The following HTRA3 variants were observed in gnomAD, a reference collection of about 807,000 sequenced individuals.
HTRA3 encodes HtrA serine peptidase 3.
A neutral mutation model predicts 43.2 loss-of-function variants in HTRA3; 41 were observed. The ratio of observed to expected loss-of-function variants is 0.95; its 90% CI spans 0.74 to 1.23. The LOEUF (loss-of-function observed/expected upper bound fraction) is 1.23. Ranked by LOEUF, HTRA3 falls within the 50% of genes most tolerant of loss-of-function variation. The pLI, the probability that HTRA3 is intolerant of heterozygous loss-of-function variation, is 0.00. For missense variants in HTRA3, 628 were observed against 647.1 expected (o/e 0.97, Z 0.32); for synonymous variants, 295 against 287.9 (o/e 1.02, Z -0.25).
At chr4:8,291,649 C>A (rs1713247177) in intron 4 of HTRA3, 85 bp downstream of exon 4, 3 of 1,049,582 alleles carry the variant, frequency 2.9e-6, no homozygotes, top group South Asian at 3.3e-5. Context: ...TCGGCTTGCC[C>A]CCCTCCCCAG....
chr4:8,286,508 C>A lies in HTRA3; in HGVS notation c.486-53C>A. 1 of 1,482,506 alleles carries A rather than the reference C, an allele frequency of 6.7e-7. No individual in the cohort carries two copies. The highest frequency in any genetic ancestry group is 9.4e-7 in the Non-Finnish European group (1 of 1,066,196). 91.8% of individuals were successfully genotyped at this position (1,482,506 alleles called of 1,614,324 possible). On this transcript the variant is annotated intron_variant, in intron 2 of 8. Transcript: ENST00000307358. The surrounding 1 kb of genome is among the most constrained non-coding windows in gnomAD (Gnocchi z 4.9). ...ACCAGCCCCACCACTGCGCCTGACT[C>A]CCCCGCGTCCTAGCCCCACCCTAAA...
chr4:8,272,656 A>G (rs1712336285), intron 1 of HTRA3, among the ~76,000 whole-genome samples: 2 of 152,200 alleles, frequency 1.3e-5, no homozygotes, highest in Admixed American at 6.5e-5. Flanking sequence ...CAAGGTCAGG[A>G]GAGGCTCTCC....
chr4:8,270,317 C>T lies in HTRA3; in HGVS notation c.349C>T (p.Pro117Ser). Residue 117 changes from proline (P) to serine (S), a missense_variant, in exon 1 of 9, where the codon CCC becomes TCC. Physicochemically the swap from Pro to Ser is moderately conservative, Grantham distance 74. Transcript: ENST00000307358. ...SRRALQLSGT[P>S]VRQLQKGACP... Reference sequence around the variant, plus strand: ...CCGCGCGCTGCAGCTCTCCGGGACGCCCGTGCGCCAGCTGCAGAAGGGCGC... The same window carrying T: ...CCGCGCGCTGCAGCTCTCCGGGACGTCCGTGCGCCAGCTGCAGAAGGGCGC... 6.9e-7 allele frequency: 1 copy of T among 1,455,114 alleles called. No individual in the cohort carries two copies. The highest frequency in any genetic ancestry group is 1.5e-5 in the African/African-American group (1 of 67,358). 90.1% of individuals were successfully genotyped at this position (1,455,114 alleles called of 1,614,324 possible).
At chr4:8,275,216 G>A (rs1336637828) in intron 1 of HTRA3, among the ~76,000 whole-genome samples, 4 of 152,196 alleles carry the variant, frequency 2.6e-5, no homozygotes, top group Non-Finnish European at 5.9e-5. Flanking sequence ...CCGGGGCTTG[G>A]CCTAGCAAAT....
chr4:8,304,075 A>C (rs1250476303), intron 7 of HTRA3, 109 bp from the exon 8 acceptor site: 2 of 776,112 alleles, frequency 2.6e-6, no homozygotes, highest in East Asian at 5.1e-5. Flanking sequence ...ATGGGGGCCC[A>C]GAGGTGGCTC....
intron 1 of HTRA3, among the ~76,000 whole-genome samples, chr4:8,276,323 A>G (rs1712521538): frequency 6.6e-6 from 1 of 152,232 alleles, no homozygotes; most frequent in African/African-American, 2.4e-5. Context: ...TGGGCAAATG[A>G]GATGATGGAC....
chr4:8,283,850 T>C (rs948768511), intron 2 of HTRA3, among the ~76,000 whole-genome samples: 1 of 152,196 alleles, frequency 6.6e-6, no homozygotes, highest in Admixed American at 6.5e-5. Flanking sequence ...ACTGAGCATC[T>C]GGTGGCTCAT....
rs1712646020 is a variant in HTRA3 at position 8,279,205 on chromosome 4, A to G, written c.386-3232A>G. Among the ~76,000 whole-genome samples, 1 of 152,190 alleles carries G rather than the reference A, an allele frequency of 6.6e-6. No homozygotes were observed. The highest frequency in any genetic ancestry group is 1.5e-5 in the Non-Finnish European group (1 of 68,036). On this transcript the variant is annotated intron_variant, in intron 1 of 8. Coordinates refer to ENST00000307358, the MANE Select transcript of HTRA3 (RefSeq NM_053044.5). This position sits in a 1 kb window ranked among gnomAD's most constrained non-coding sequence, Gnocchi z 7.4. ...CCCAGCCCCACGGCCCTTCTGTCTC[A>G]GGCCTTGCTCTCCCTCCCTGTTTTA...
chr4:8,270,268 G>C lies in HTRA3; in HGVS notation c.300G>C (p.Val100=). The C allele has an allele frequency of 1.3e-6, 2 of 1,502,984 alleles. No individual in the cohort carries two copies. The highest frequency in any genetic ancestry group is 1.8e-6 in the Non-Finnish European group (2 of 1,133,584). The allele number at this position is 1,502,984 out of a possible 1,614,324, so 93.1% of individuals were successfully genotyped here. A position where few individuals can be genotyped will look rare whatever the true frequency, so the allele number is the denominator to read the frequency against. Residue 100 remains valine (V), a synonymous_variant, in exon 1 of 9, where the codon GTG becomes GTC. Coordinates refer to ENST00000307358, the MANE Select transcript of HTRA3 (RefSeq NM_053044.5). The part of the protein sequence containing the change: ...CGTDGHTYAN[V]CALQAASRRA... ...CCGACGGGCACACCTATGCCAACGT[G>C]TGCGCGCTGCAGGCGGCCAGCCGCC...
intron 1 of HTRA3, among the ~76,000 whole-genome samples, chr4:8,277,714 G>A (rs373816982): frequency 2.0e-5 from 3 of 152,204 alleles, no homozygotes; most frequent in African/African-American, 7.2e-5. Context: ...ATGTCAATGG[G>A]ACCAGGACAC....
chr4:8,292,415 T>G, intron 5 of HTRA3, 62 bp downstream of exon 5: 1 of 1,427,936 alleles, frequency 7.0e-7, no homozygotes, highest in Non-Finnish European at 9.8e-7. Flanking sequence ...ATGGGGGTGC[T>G]CAGCCTTGAG....
At chr4:8,282,596 T>G in intron 2 of HTRA3, 60 bp downstream of exon 2, 1 of 1,322,018 alleles carries the variant, frequency 7.6e-7, no homozygotes, top group Admixed American at 1.8e-5. Flanking sequence ...ACCCGCCAGC[T>G]GCTGGGGCCC....
At chr4:8,288,720 A>G (rs1375586319) in intron 3 of HTRA3, among the ~76,000 whole-genome samples, 1 of 150,762 alleles carries the variant, frequency 6.6e-6, no homozygotes, top group Non-Finnish European at 1.5e-5. Flanking sequence ...CTATAGGTGC[A>G]TGCCACCACC....
intron 1 of HTRA3, among the ~76,000 whole-genome samples, chr4:8,282,139 C>A (rs1480595765): frequency 6.6e-6 from 1 of 152,224 alleles, no homozygotes; most frequent in Non-Finnish European, 1.5e-5. Context: ...ATATCCTAAC[C>A]TCTCTCTGAG....
rs748989091 is a variant in HTRA3 at position 8,286,566 on chromosome 4, C to T, written c.491C>T (p.Pro164Leu). ...VVHIELFLRH[P>L]LFGRNVPLSS... ...CTGTGTCTCCCTGGCTGCAGACACC[C>T]GCTGTTTGGCCGCAACGTGCCCCTG... The change falls in exon 3 of 9, where the codon CCG (proline) becomes CTG (leucine). Residue 164 changes from proline to leucine, a missense_variant. Coordinates refer to ENST00000307358, the MANE Select transcript of HTRA3 (RefSeq NM_053044.5). The surrounding 1 kb of genome is among the most constrained non-coding windows in gnomAD (Gnocchi z 4.9). 1.8e-5 allele frequency: 29 copies of T among 1,613,458 alleles called. No homozygotes were observed. The highest frequency in any genetic ancestry group is 1.8e-4 in the East Asian group (8 of 44,880).
intron 2 of HTRA3, among the ~76,000 whole-genome samples, chr4:8,284,275 T>G (rs1392251722): frequency 6.6e-6 from 1 of 152,148 alleles, no homozygotes; most frequent in Non-Finnish European, 1.5e-5. Flanking sequence ...TTGAGGAAAT[T>G]ATAACTGGAT....
In HTRA3 at chr4:8,295,824, A is replaced by G; in HGVS notation, c.1051+1623A>G. The G allele has an allele frequency of 8.0e-7, 1 of 1,242,620 alleles. No homozygotes were observed. Among genetic ancestry groups the G allele is most frequent in the Non-Finnish European group, 1.0e-6 (1 of 991,976 alleles). The allele number at this position is 1,242,620 out of a possible 1,614,324, so 77.0% of individuals were successfully genotyped here. A position where few individuals can be genotyped will look rare whatever the true frequency, so the allele number is the denominator to read the frequency against. On this transcript the variant is annotated intron_variant, in intron 6 of 8. Transcript: ENST00000307358. The surrounding 1 kb of genome is among the most constrained non-coding windows in gnomAD (Gnocchi z 6.9). The stretch of plus-strand genomic sequence containing the variant: ...TGCCATGAGGGCTGGTCACATGAAG[A>G]GCTGCTGTTGAGGATGCCGCCATTG...
intron 3 of HTRA3, among the ~76,000 whole-genome samples, chr4:8,287,869 G>T (rs1319039769): frequency 3.3e-5 from 5 of 152,210 alleles, no homozygotes; most frequent in African/African-American, 1.2e-4. Flanking sequence ...CCTCCCTCCA[G>T]CTTGTTCTTG....
Position 8,286,597 on chromosome 4 carries a change from C to T in HTRA3, c.522C>T (p.Ser174=), listed in dbSNP as rs371168417. Residue 174 remains serine, a synonymous_variant, in exon 3 of 9, where the codon AGC becomes AGT. Coordinates refer to ENST00000307358, the MANE Select transcript of HTRA3 (RefSeq NM_053044.5). This position sits in a 1 kb window ranked among gnomAD's most constrained non-coding sequence, Gnocchi z 4.9. The part of the protein sequence containing the change: ...PLFGRNVPLS[S]GSGFIMSEAG... ...TTGGCCGCAACGTGCCCCTGTCCAGCGGTTCTGGCTTCATCATGTCAGAGG... is the reference window on the plus strand; with the variant it reads ...TTGGCCGCAACGTGCCCCTGTCCAGTGGTTCTGGCTTCATCATGTCAGAGG... 1.4e-4 allele frequency: 226 copies of T among 1,614,082 alleles called. 3 individuals carry two copies. The South Asian group carries it at 2.2e-3, about 16-fold the overall frequency.
Sources: allele counts gnomAD v4.1 joint callset (sites outside exome capture counted in the v4.1 genomes callset), GRCh38; gene constraint gnomAD v4.1.1; non-coding constraint Gnocchi (gnomAD v3.1); transcripts MANE v1.5; gene names NCBI Gene and HGNC (gene_info 2026-07-23, HGNC 2026-07-21).